Variants in NYAP2 observed in about 807,000 individuals in gnomAD.
NYAP2 encodes neuronal tyrosine-phosphorylated phosphoinositide-3-kinase adaptor 2.
NYAP2 carries 23 observed loss-of-function variants against 50.4 expected under a neutral mutation model. The observed-to-expected ratio is 0.46, with a 90% confidence interval of 0.33 to 0.65. NYAP2 has a LOEUF of 0.65. Among genes scored for constraint, NYAP2 ranks in the 30% least tolerant of loss-of-function variants. The probability of loss-of-function intolerance (pLI) is 0.02; values close to 1 mark genes in which losing one functional copy is unlikely to be tolerated. For synonymous variants in NYAP2, 394 were observed against 365.2 expected (o/e 1.08, Z -0.90); for missense variants, 885 against 861.0 (o/e 1.03, Z -0.35).
chr2:225,453,704 G>GGCTGGAGT (rs942528709), intron 3 of NYAP2, among the ~76,000 whole-genome samples: 3 of 151,912 alleles, frequency 2.0e-5, no homozygotes, highest in Non-Finnish European at 4.4e-5. Flanking sequence ...CTGTCACCCA[G>GGCTGGAGT]GCTGGAGTGC....
chr2:225,574,985 C>T (rs1692147147), intron 4 of NYAP2, among the ~76,000 whole-genome samples: 1 of 152,128 alleles, frequency 6.6e-6, no homozygotes, highest in Non-Finnish European at 1.5e-5. Flanking sequence ...AAGCTATTTC[C>T]TTTCATTTCT....
chr2:225,625,425 G>A (rs1213711734), intron 5 of NYAP2, among the ~76,000 whole-genome samples: 2 of 152,040 alleles, frequency 1.3e-5, no homozygotes, highest in South Asian at 2.1e-4. Context: ...AAGGCCTTTC[G>A]GGAAGAGCAG....
chr2:225,512,131 T>C lies in NYAP2; in HGVS notation c.222-1240T>C, dbSNP rs76687781. Reference sequence around the variant, plus strand: ...TCATAAAGGAGTCACTATTACTTAATAGCATAGACAGAGGCCCAAGAGTCA... The same window carrying C: ...TCATAAAGGAGTCACTATTACTTAACAGCATAGACAGAGGCCCAAGAGTCA... On this transcript the variant is annotated intron_variant, in intron 3 of 6. Transcript: ENST00000636099. Among the ~76,000 whole-genome samples, 792 of 152,332 alleles carry C rather than the reference T, an allele frequency of 5.2e-3. 12 individuals carry two copies. The highest frequency in any genetic ancestry group is 0.018 in the African/African-American group (760 of 41,584).
chr2:225,665,807 T>TAAATAA, the NYAP2 span, among the ~76,000 whole-genome samples: 1 of 20,996 alleles, frequency 4.8e-5, no homozygotes, highest in African/African-American at 1.7e-4. Flanking sequence ...AGCCTCCGTC[T>TAAATAA]AAAAAAAAAA....
At chr2:225,407,095 A>G (rs1220443433) in intron 2 of NYAP2, among the ~76,000 whole-genome samples, 2 of 152,004 alleles carry the variant, frequency 1.3e-5, no homozygotes, top group Non-Finnish European at 2.9e-5. Flanking sequence ...ATTGTCGTGA[A>G]GTTATGCTGA....
chr2:225,416,344 C>T (rs891475548), intron 3 of NYAP2, among the ~76,000 whole-genome samples: 2 of 152,252 alleles, frequency 1.3e-5, no homozygotes, highest in African/African-American at 4.8e-5. Context: ...GAAGTTTAAT[C>T]TGCAAGGCTG....
chr2:225,616,101 G>C (rs1237078533), intron 5 of NYAP2, among the ~76,000 whole-genome samples: 1 of 152,124 alleles, frequency 6.6e-6, no homozygotes, highest in African/African-American at 2.4e-5. Context: ...GATTCAGTGT[G>C]CCCCATCTGT....
intron 3 of NYAP2, among the ~76,000 whole-genome samples, chr2:225,455,322 T>C (rs1689722575): frequency 6.6e-6 from 1 of 152,198 alleles, no homozygotes; most frequent in South Asian, 2.1e-4. Flanking sequence ...ATAATTATTT[T>C]AACATTTGGC....
downstream of NYAP2, among the ~76,000 whole-genome samples, chr2:225,655,988 AT>A (rs568632866): frequency 6.6e-6 from 1 of 151,356 alleles, no homozygotes; most frequent in South Asian, 2.1e-4. Context: ...ACAAACACAT[AT>A]TTTTTTTACA....
chr2:225,582,553 C>A lies in NYAP2; in HGVS notation c.1136C>A (p.Ser379Ter). 1 of 1,581,926 alleles carries A rather than the reference C, an allele frequency of 6.3e-7. No homozygotes were observed. Among genetic ancestry groups the A allele is most frequent in the Non-Finnish European group, 8.6e-7 (1 of 1,164,550 alleles). ...TACATGAAACAGCCAGCCGGGGCGT[C>A]GCCCTCCACGCTGCCGTCCCACGTC... The change falls in exon 5 of 7, where the codon TCG becomes TAG. Residue 379 changes from serine to a stop codon, truncating the protein, a stop_gained. Transcript: ENST00000636099. LOFTEE classifies it high-confidence loss of function. This position sits in a 1 kb window ranked among gnomAD's most constrained non-coding sequence, Gnocchi z 7.0.
At chr2:225,561,097 G>A (rs998676730) in intron 4 of NYAP2, among the ~76,000 whole-genome samples, 2 of 151,962 alleles carry the variant, frequency 1.3e-5, no homozygotes, top group East Asian at 3.9e-4. Flanking sequence ...AAGAGGCAGC[G>A]ATATTACAGT....
chr2:225,507,379 A>G (rs1690725486), intron 3 of NYAP2, among the ~76,000 whole-genome samples: 1 of 152,198 alleles, frequency 6.6e-6, no homozygotes, highest in Non-Finnish European at 1.5e-5. Flanking sequence ...TCTCATAAGG[A>G]AACACACAAC....
At chr2:225,560,930 A>G (rs1377674294) in intron 4 of NYAP2, among the ~76,000 whole-genome samples, 2 of 122,858 alleles carry the variant, frequency 1.6e-5, no homozygotes, top group African/African-American at 5.6e-5. Flanking sequence ...ACCTTTCCAA[A>G]ACGTTTTTTT....
At chr2:225,551,637 G>T (rs537495672) in intron 4 of NYAP2, among the ~76,000 whole-genome samples, 1 of 152,182 alleles carries the variant, frequency 6.6e-6, no homozygotes, top group Non-Finnish European at 1.5e-5. Context: ...TTTTTAAGAA[G>T]AGATCAACCC....
chr2:225,644,139 A>C (rs1477150911), intron 6 of NYAP2, among the ~76,000 whole-genome samples: 1 of 151,996 alleles, frequency 6.6e-6, no homozygotes, highest in Non-Finnish European at 1.5e-5. Flanking sequence ...CGCCATTCTA[A>C]CTGGTGTGAG....
At chr2:225,627,002 G>A (rs374877296) in exon 6 of NYAP2, 37 of 1,590,696 alleles carry the variant, frequency 2.3e-5, no homozygotes, top group African/African-American at 1.9e-4. Flanking sequence ...ACCATGGGGC[G>A]TCTTCCTCCA....
intron 3 of NYAP2, among the ~76,000 whole-genome samples, chr2:225,454,397 T>C (rs1368668607): frequency 6.6e-6 from 1 of 152,132 alleles, no homozygotes. Context: ...TGTCAATAAA[T>C]CTCAATAGAA....
intron 3 of NYAP2, among the ~76,000 whole-genome samples, chr2:225,453,230 CATTCA>C (rs1689682334): frequency 6.6e-6 from 1 of 152,038 alleles, no homozygotes; most frequent in Non-Finnish European, 1.5e-5. Flanking sequence ...TAGTAAAGGC[CATTCA>C]AACACTGAAA....
chr2:225,532,554 T>C (rs1691276107), intron 4 of NYAP2, among the ~76,000 whole-genome samples: 1 of 152,202 alleles, frequency 6.6e-6, no homozygotes, highest in Non-Finnish European at 1.5e-5. Flanking sequence ...TTCTGACAAC[T>C]TTGTCTAACC....
Sources: gnomAD v4.1 joint callset for allele counts (sites outside exome capture counted in the v4.1 genomes callset) on GRCh38, gnomAD v4.1.1 for gene constraint, Gnocchi (gnomAD v3.1) non-coding constraint, MANE v1.5 for transcripts, NCBI Gene and HGNC (gene_info 2026-07-23, HGNC 2026-07-21) for gene names.